Variants in CACNA2D2 observed in about 807,000 individuals in gnomAD.
CACNA2D2 encodes the protein calcium voltage-gated channel auxiliary subunit alpha2delta 2.
In CACNA2D2, 48 loss-of-function variants were observed where a neutral mutation model predicts 166.4. The ratio of observed to expected loss-of-function variants is 0.29; its 90% confidence interval spans 0.23 to 0.37. CACNA2D2 has a LOEUF of 0.37. Ranked by LOEUF, CACNA2D2 falls within the 10% of genes least tolerant of loss-of-function variation. The pLI is 1.00. For missense variants in CACNA2D2, 1,122 were observed against 1,433.0 expected (o/e 0.78, Z 3.50); for synonymous variants, 561 against 573.7 (o/e 0.98, Z 0.32).
intron 1 of CACNA2D2, among the ~76,000 whole-genome samples, chr3:50,495,552 G>A (rs1192478620): frequency 6.6e-6 from 1 of 152,200 alleles, no homozygotes; most frequent in East Asian, 1.9e-4. Context: ...GTCTTCGCTG[G>A]AGATGCTCCA....
chr3:50,461,233 G>A lies in CACNA2D2; in HGVS notation c.288+14885C>T, dbSNP rs113622000. Among the ~76,000 whole-genome samples the A allele has an allele frequency of 1.8e-3, 274 of 152,310 alleles. 2 individuals carry two copies. Among genetic ancestry groups the A allele is most frequent in the African/African-American group, 6.1e-3 (253 of 41,560 alleles). ...AAAACCAGGTCATGTACAATGGATC[G>A]GGAATCTGAATGACTGGGGACCTCT... On this transcript the variant is annotated intron_variant, in intron 2 of 37. Transcript: ENST00000424201.
In CACNA2D2 at chr3:50,365,231, A is replaced by AGGC; in HGVS notation, c.3099-48_3099-47insGCC. The stretch of plus-strand genomic sequence containing the variant: ...GGGGCGTTGAGTTTGCCCCGCCCTG[A>AGGC]CCCACCCCCATCCTGCGGCCCCGCC... On this transcript the variant is annotated intron_variant, in intron 35 of 37. Transcript: ENST00000424201. The surrounding 1 kb of genome is among the most constrained non-coding windows in gnomAD (Gnocchi z 4.5). 5 of 609,378 alleles carry AGGC rather than the reference A, an allele frequency of 8.2e-6. No individual in the cohort carries two copies. Among genetic ancestry groups the AGGC allele is most frequent in the Non-Finnish European group, 1.1e-5 (4 of 380,678 alleles). The allele number at this position is 609,378 out of a possible 1,614,324, so 37.7% of individuals were successfully genotyped here.
chr3:50,369,107 C>T (rs1181759084), intron 23 of CACNA2D2, among the ~76,000 whole-genome samples: 1 of 152,212 alleles, frequency 6.6e-6, no homozygotes, highest in Non-Finnish European at 1.5e-5. Flanking sequence ...CTCCTTGGCC[C>T]CCAGGGCCTT....
At position 50,377,502 on chromosome 3, in the gene CACNA2D2, G is replaced by C. The variant is rs1359770740; in HGVS notation, c.1591C>G (p.Leu531Val). The change falls in exon 17 of 38, where the codon CTG becomes GTG. Residue 531 changes from leucine to valine, a missense_variant. Leu to Val is a conservative substitution (Grantham distance 32). Around this residue, in one of 2 missense-constraint regions of CACNA2D2, gnomAD observed 840 missense variants for 1,166.8 expected, o/e 0.72. Coordinates refer to ENST00000424201, the MANE Select transcript of CACNA2D2 (RefSeq NM_006030.4). ...ILGVMGIDVA[L>V]NDIKRLTPNY... is the part of the protein sequence containing the mutation. ...GGGGTCAGCCTCTTGATGTCATTCA[G>C]AGCCACGTCAATGCCCATCACGCCC... 3.1e-6 allele frequency: 5 copies of C among 1,613,166 alleles called. No homozygotes were observed. The East Asian group carries it at 8.9e-5, about 29-fold the overall frequency.
intron 4 of CACNA2D2, among the ~76,000 whole-genome samples, chr3:50,393,362 G>A: frequency 6.6e-6 from 1 of 152,310 alleles, no homozygotes; most frequent in East Asian, 1.9e-4. Flanking sequence ...GTTCTCAAGG[G>A]TTCCATCATC....
chr3:50,383,674 G>T (rs1207653251), intron 6 of CACNA2D2, among the ~76,000 whole-genome samples: 1 of 152,086 alleles, frequency 6.6e-6, no homozygotes, highest in Admixed American at 6.5e-5. Flanking sequence ...GGCTGCTCTG[G>T]GCAGGAAAAC....
chr3:50,404,202 G>A (rs1223724002), intron 3 of CACNA2D2, among the ~76,000 whole-genome samples: 5 of 152,172 alleles, frequency 3.3e-5, no homozygotes, highest in Non-Finnish European at 7.4e-5. Flanking sequence ...ATGGTGTGGG[G>A]GGTGAAGGTG....
In CACNA2D2 at chr3:50,503,309, C is replaced by T. The variant is rs536869186; in HGVS notation, c.115G>A (p.Gly39Arg). The change falls in exon 1 of 38, where the codon GGG (glycine) becomes AGG (arginine). Residue 39 changes from glycine (G) to arginine (R), a missense_variant. By Grantham distance (125) the Gly-to-Arg change is moderately radical (BLOSUM62 -2). This residue lies in a region of CACNA2D2 where 840 missense variants were observed against 1,166.8 expected (regional missense o/e 0.72). Coordinates refer to ENST00000424201, the MANE Select transcript of CACNA2D2 (RefSeq NM_006030.4). ...AGCAGCCACAGCGGGCGCGGGGGCCCGGACGTCGGGCGCCGGGTGCCGGGG... is the reference window on the plus strand; with the variant it reads ...AGCAGCCACAGCGGGCGCGGGGGCCTGGACGTCGGGCGCCGGGTGCCGGGG... ...PGPGTRRPTS[G>R]PPRPLWLLLP... 388 of 843,012 alleles carry T rather than the reference C, an allele frequency of 4.6e-4. 3 individuals carry two copies. In the African/African-American group the frequency reaches 6.5e-3, roughly 14 times the overall value. 52.2% of individuals were successfully genotyped at this position (843,012 alleles called of 1,614,324 possible). A position where few individuals can be genotyped will look rare whatever the true frequency, so the allele number is the denominator to read the frequency against.
chr3:50,412,973 G>C (rs1707092812), intron 3 of CACNA2D2, among the ~76,000 whole-genome samples: 1 of 152,244 alleles, frequency 6.6e-6, no homozygotes, highest in African/African-American at 2.4e-5. Flanking sequence ...ACTTGGGACA[G>C]GGAGAGGCCG....
intron 1 of CACNA2D2, among the ~76,000 whole-genome samples, chr3:50,481,214 G>C (rs1439133336): frequency 1.3e-5 from 2 of 152,054 alleles, no homozygotes; most frequent in Non-Finnish European, 2.9e-5. Flanking sequence ...GAGAAAGGAT[G>C]GGGGAGGGGC....
At chr3:50,373,924 T>A (rs866065953) in intron 22 of CACNA2D2, among the ~76,000 whole-genome samples, 2 of 29,678 alleles carry the variant, frequency 6.7e-5, no homozygotes, top group African/African-American at 3.7e-4. Flanking sequence ...GGTAGAGAGC[T>A]GAACAGGAAG....
chr3:50,411,638 T>A (rs1197651534), intron 3 of CACNA2D2, among the ~76,000 whole-genome samples: 1 of 152,220 alleles, frequency 6.6e-6, no homozygotes, highest in Non-Finnish European at 1.5e-5. Context: ...AATCCATTTT[T>A]CAGAAGGAGG....
At chr3:50,428,611 A>G (rs1707912656) in intron 3 of CACNA2D2, among the ~76,000 whole-genome samples, 1 of 152,220 alleles carries the variant, frequency 6.6e-6, no homozygotes, top group Non-Finnish European at 1.5e-5. Context: ...TGGTGGGAAC[A>G]ATGCCCACTG....
Position 50,481,603 on chromosome 3 carries a change from G to A in CACNA2D2, c.207-5404C>T, listed in dbSNP as rs188636930. On this transcript the variant is annotated intron_variant, in intron 1 of 37. Transcript: ENST00000424201. The stretch of plus-strand genomic sequence containing the variant: ...TGAAGGCCACTGCTGCCAAGTGCAC[G>A]GTGAAGCAAACTTGGCAATGGCGGG... Among the ~76,000 whole-genome samples, 52 of 152,302 alleles carry A rather than the reference G, an allele frequency of 3.4e-4. 1 individual carries two copies. The highest frequency in any genetic ancestry group is 2.4e-3 in the Admixed American group (37 of 15,300).
At chr3:50,385,193 G>A (rs1395263649) in intron 5 of CACNA2D2, among the ~76,000 whole-genome samples, 2 of 152,216 alleles carry the variant, frequency 1.3e-5, no homozygotes, top group Middle Eastern at 3.2e-3. Context: ...AGGGGGAGGG[G>A]AGGGAAGATG....
chr3:50,365,116 C>G lies in CACNA2D2; in HGVS notation c.3167G>C (p.Ser1056Thr), dbSNP rs1004241925. The G allele has an allele frequency of 1.9e-6, 3 of 1,612,116 alleles. No individual in the cohort carries two copies. The highest frequency in any genetic ancestry group is 1.7e-6 in the Non-Finnish European group (2 of 1,179,704). ...LFVVAEKPLC[S>T]QCEAGRLLQK... ...CAGCAGCCGGCCAGCCTCGCACTGG[C>G]TGCACAGCGGCTTCTCGGCCACCAC... Residue 1056 changes from serine to threonine, a missense_variant, in exon 36 of 38, where the codon AGC becomes ACC. Coordinates refer to ENST00000424201, the MANE Select transcript of CACNA2D2 (RefSeq NM_006030.4). This position sits in a 1 kb window ranked among gnomAD's most constrained non-coding sequence, Gnocchi z 4.5.
intron 3 of CACNA2D2, among the ~76,000 whole-genome samples, chr3:50,425,965 A>G (rs1707792203): frequency 6.6e-6 from 1 of 152,138 alleles, no homozygotes; most frequent in Non-Finnish European, 1.5e-5. Context: ...GCTGCTCCCC[A>G]GCAACCCCCA....
At position 50,366,256 on chromosome 3, in the gene CACNA2D2, CT is replaced by C. The variant is rs773488549; in HGVS notation, c.2709+10del. ...CCTACTCTCTTCTTTCACTCTCTTC[CT>C]GATCCTCACCTGGTCCCACTGATGG... is the stretch of plus-strand genomic sequence containing the variant. On this transcript the variant is annotated intron_variant, in intron 31 of 37. Coordinates refer to ENST00000424201, the MANE Select transcript of CACNA2D2 (RefSeq NM_006030.4). The surrounding 1 kb of genome is among the most constrained non-coding windows in gnomAD (Gnocchi z 5.9). 1.2e-6 allele frequency: 2 copies of C among 1,614,122 alleles called. No individual in the cohort carries two copies. The highest frequency in any genetic ancestry group is 1.7e-6 in the Non-Finnish European group (2 of 1,180,000).
intron 3 of CACNA2D2, among the ~76,000 whole-genome samples, chr3:50,432,889 A>G (rs892659236): frequency 2.0e-5 from 3 of 152,212 alleles, no homozygotes; most frequent in African/African-American, 7.2e-5. Flanking sequence ...TCTCTTGGGG[A>G]CTGGATATGG....
Sources: gnomAD v4.1 joint callset for allele counts (sites outside exome capture counted in the v4.1 genomes callset) on GRCh38, gnomAD v4.1.1 for gene constraint, gnomAD v4.1.1 regional missense constraint, Gnocchi (gnomAD v3.1) non-coding constraint, MANE v1.5 for transcripts, NCBI Gene and HGNC (gene_info 2026-07-23, HGNC 2026-07-21) for gene names.